Variants in CCDC3 observed in about 807,000 individuals in gnomAD.
CCDC3 encodes the protein coiled-coil domain containing 3.
CCDC3 carries 24 observed loss-of-function variants against 21.4 expected under a neutral mutation model. The ratio of observed to expected loss-of-function variants is 1.12; its 90% CI spans 0.81 to 1.58. The LOEUF is 1.58. Among genes scored for constraint, CCDC3 ranks in the 40% most tolerant of loss-of-function variants. CCDC3 has a pLI of 0.00. For synonymous variants in CCDC3, 186 were observed against 166.0 expected, an observed-to-expected ratio of 1.12 and a Z score of -0.93; for missense variants, 425 against 360.9, an observed-to-expected ratio of 1.18 and a Z score of -1.44.
chr10:13,052,938 TCACACACA>T (rs56261341), intron 4 of CCDC3, among the ~76,000 whole-genome samples: 9,822 of 134,314 alleles, frequency 0.073, 384 homozygotes, highest in Non-Finnish European at 0.094. Context: ...TGAGACTCTG[TCACACACA>T]CACACACACA....
intron 2 of CCDC3, among the ~76,000 whole-genome samples, chr10:12,903,077 G>A (rs553949036): frequency 9.8e-5 from 15 of 152,286 alleles, no homozygotes; most frequent in African/African-American, 3.6e-4. Flanking sequence ...AGACATCAAA[G>A]GACTCTAGTA....
chr10:12,939,358 C>A (rs974986693), intron 2 of CCDC3, among the ~76,000 whole-genome samples: 1 of 152,206 alleles, frequency 6.6e-6, no homozygotes, highest in Non-Finnish European at 1.5e-5. Context: ...AGGCTGGGTG[C>A]AGTGGCTCAC....
intron 2 of CCDC3, among the ~76,000 whole-genome samples, chr10:12,931,473 T>A (rs909566242): frequency 3.9e-5 from 6 of 152,196 alleles, no homozygotes; most frequent in Non-Finnish European, 8.8e-5. Flanking sequence ...AGTCCATCCA[T>A]CAGATGCTGA....
At chr10:12,921,644 G>A (rs181802530) in intron 2 of CCDC3, among the ~76,000 whole-genome samples, 3 of 152,322 alleles carry the variant, frequency 2.0e-5, no homozygotes, top group African/African-American at 2.4e-5. Context: ...ACATTGTTGT[G>A]CAACCAGTCT....
chr10:13,060,662 A>G (rs558562907), intron 4 of CCDC3, among the ~76,000 whole-genome samples: 2 of 152,158 alleles, frequency 1.3e-5, no homozygotes, highest in Middle Eastern at 3.4e-3. Flanking sequence ...ACATCACCAA[A>G]CCAGGCTAAT....
intron 2 of CCDC3, among the ~76,000 whole-genome samples, chr10:12,980,877 A>G (rs1835486483): frequency 6.6e-6 from 1 of 151,978 alleles, no homozygotes; most frequent in African/African-American, 2.4e-5. Context: ...TCTATCTCCT[A>G]GACTGCAAGA....
At chr10:12,977,351 T>A (rs188955404) in intron 2 of CCDC3, among the ~76,000 whole-genome samples, 1 of 151,708 alleles carries the variant, frequency 6.6e-6, no homozygotes. Flanking sequence ...AAAGAAAGTG[T>A]CGTGTCTTTA....
chr10:13,006,541 T>A (rs370149835), upstream of CCDC3, among the ~76,000 whole-genome samples: 82 of 152,372 alleles, frequency 5.4e-4, no homozygotes, highest in African/African-American at 1.9e-3. Context: ...CCCTCAGGGA[T>A]GCAATATTGC....
intron 5 of CCDC3, among the ~76,000 whole-genome samples, chr10:13,028,249 A>T (rs1397887980): frequency 6.6e-6 from 1 of 152,124 alleles, no homozygotes; most frequent in East Asian, 1.9e-4. Flanking sequence ...GGTTTTATAA[A>T]GGGCAGTTCC....
chr10:12,905,428 C>T (rs535845337), intron 2 of CCDC3, among the ~76,000 whole-genome samples: 8 of 152,210 alleles, frequency 5.3e-5, no homozygotes, highest in South Asian at 2.1e-4. Flanking sequence ...TCAAGGCAAA[C>T]GCAGGTGGGA....
intron 2 of CCDC3, among the ~76,000 whole-genome samples, chr10:12,961,488 A>G (rs1835178429): frequency 1.3e-5 from 2 of 152,218 alleles, no homozygotes; most frequent in South Asian, 4.1e-4. Flanking sequence ...GCCACAGTCT[A>G]TGTCACAAAT....
intron 1 of CCDC3, among the ~76,000 whole-genome samples, chr10:12,999,677 G>A (rs967276231): frequency 5.3e-5 from 8 of 152,220 alleles, no homozygotes; most frequent in Admixed American, 2.6e-4. Flanking sequence ...GAGCAAAAAA[G>A]ATGAGAATTG....
chr10:12,930,172 T>C (rs1030653048), intron 2 of CCDC3, among the ~76,000 whole-genome samples: 17 of 152,218 alleles, frequency 1.1e-4, no homozygotes, highest in African/African-American at 4.1e-4. Context: ...ATTATTTTCA[T>C]CAAATAGGTT....
At chr10:12,913,738 G>T (rs980315313) in intron 2 of CCDC3, among the ~76,000 whole-genome samples, 3 of 152,178 alleles carry the variant, frequency 2.0e-5, no homozygotes, top group Admixed American at 2.0e-4. Flanking sequence ...GGCCTTTATT[G>T]TGTTGAGACA....
chr10:12,952,675 T>A (rs1157468002), intron 2 of CCDC3, among the ~76,000 whole-genome samples: 1 of 152,158 alleles, frequency 6.6e-6, no homozygotes, highest in Non-Finnish European at 1.5e-5. Context: ...TATGACTTGG[T>A]GACACTGCAA....
intron 2 of CCDC3, among the ~76,000 whole-genome samples, chr10:12,983,128 G>GTACA (rs775314375): frequency 2.5e-5 from 3 of 117,858 alleles, no homozygotes; most frequent in Non-Finnish European, 3.4e-5. Flanking sequence ...AAATAAAATA[G>GTACA]TGTATATATA....
chr10:12,952,613 T>A (rs1301501256), intron 2 of CCDC3, among the ~76,000 whole-genome samples: 2 of 152,312 alleles, frequency 1.3e-5, no homozygotes, highest in South Asian at 4.2e-4. Context: ...TTGAACTTCA[T>A]CCTTTGGCAT....
At chr10:13,029,902 G>C (rs958279310) in intron 5 of CCDC3, among the ~76,000 whole-genome samples, 1 of 152,162 alleles carries the variant, frequency 6.6e-6, no homozygotes, top group African/African-American at 2.4e-5. Context: ...ATGGAACCAA[G>C]TTGGAAAACA....
At chr10:13,093,531 G>C (rs1021968543) in intron 3 of CCDC3, among the ~76,000 whole-genome samples, 2 of 152,086 alleles carry the variant, frequency 1.3e-5, no homozygotes, top group African/African-American at 4.8e-5. Flanking sequence ...AATTAATTTG[G>C]CATCTACTAA....
Sources: gnomAD v4.1 joint callset for allele counts (sites outside exome capture counted in the v4.1 genomes callset) on GRCh38, gnomAD v4.1.1 for gene constraint, MANE v1.5 for transcripts, NCBI Gene and HGNC (gene_info 2026-07-23, HGNC 2026-07-21) for gene names.